The following ANKRD44 variants were observed in gnomAD, a reference collection of about 807,000 sequenced individuals.
The protein encoded by ANKRD44 is ankyrin repeat domain 44.
A neutral mutation model predicts 116.0 loss-of-function variants in ANKRD44; 35 were observed. The observed-to-expected ratio is 0.30, with a 90% CI of 0.23 to 0.40. ANKRD44 has a LOEUF of 0.40. Among genes scored for constraint, ANKRD44 ranks in the 10% least tolerant of loss-of-function variants. ANKRD44 has a pLI of 1.00. For missense variants in ANKRD44, 1,014 were observed against 1,242.6 expected, an observed-to-expected ratio of 0.82 and a Z score of 2.77; for synonymous variants, 435 against 461.8, an observed-to-expected ratio of 0.94 and a Z score of 0.74.
At chr2:196,996,005 G>A (rs1263635555) in intron 25 of ANKRD44, among the ~76,000 whole-genome samples, 1 of 152,178 alleles carries the variant, frequency 6.6e-6, no homozygotes, top group African/African-American at 2.4e-5. Flanking sequence ...AGATATCTCT[G>A]TACCTTATGA....
chr2:197,139,644 T>G (rs2950819), intron 3 of ANKRD44, among the ~76,000 whole-genome samples: 138,999 of 151,048 alleles, frequency 0.92, 64,237 homozygotes, highest in East Asian at 0.98. Context: ...TAGATATAGA[T>G]ATAGATATAT....
chr2:197,118,631 G>C (rs1263155983), intron 8 of ANKRD44, among the ~76,000 whole-genome samples: 1 of 143,606 alleles, frequency 7.0e-6, no homozygotes, highest in African/African-American at 2.7e-5. Context: ...GAGAGAGAGA[G>C]AGAGAGAGAA....
In ANKRD44 at chr2:197,163,765, C is replaced by T. The variant is rs560219636; in HGVS notation, c.112-16660G>A. 2.0e-5 allele frequency among the ~76,000 whole-genome samples: 3 copies of T among 152,248 alleles called. No homozygotes were observed. The South Asian group carries it at 6.2e-4, about 32-fold the overall frequency. On this transcript the variant is annotated intron_variant, in intron 2 of 27. Coordinates refer to ENST00000282272, the MANE Select transcript of ANKRD44 (RefSeq NM_001195144.2). ...ACCTCAGGCTCCCGAGTAGCTGGGA[C>T]TACAAGCGCACGACACCACGTCCAG...
At chr2:197,248,904 T>G (rs534029931) in intron 1 of ANKRD44, among the ~76,000 whole-genome samples, 15 of 152,138 alleles carry the variant, frequency 9.9e-5, no homozygotes, top group Non-Finnish European at 2.1e-4. Flanking sequence ...GTTTTAGCTA[T>G]GCATGAAGAA....
chr2:197,114,310 T>A (rs1430181932), intron 8 of ANKRD44, among the ~76,000 whole-genome samples: 1 of 152,222 alleles, frequency 6.6e-6, no homozygotes, highest in Non-Finnish European at 1.5e-5. Flanking sequence ...CTAGCTACAT[T>A]TTCCCATAGA....
chr2:197,047,250 C>T (rs2077019585), intron 16 of ANKRD44, among the ~76,000 whole-genome samples: 1 of 152,068 alleles, frequency 6.6e-6, no homozygotes, highest in African/African-American at 2.4e-5. Flanking sequence ...TAACTCCTGA[C>T]CTCAAGTGAT....
chr2:197,028,756 T>A (rs1477652952), intron 16 of ANKRD44: 1 of 189,472 alleles, frequency 5.3e-6, no homozygotes. Flanking sequence ...TCTTTTCTGC[T>A]GGTTTCTTTT....
At chr2:197,262,068 T>C (rs1400313323) in intron 1 of ANKRD44, among the ~76,000 whole-genome samples, 2 of 152,216 alleles carry the variant, frequency 1.3e-5, no homozygotes, top group African/African-American at 4.8e-5. Context: ...AACAGCTTAC[T>C]TCCTACCAGC....
intron 2 of ANKRD44, among the ~76,000 whole-genome samples, chr2:197,164,572 G>A (rs1159632618): frequency 1.3e-5 from 2 of 152,188 alleles, no homozygotes; most frequent in African/African-American, 2.4e-5. Flanking sequence ...GCTCGGAGCC[G>A]GGAGCATGCG....
intron 27 of ANKRD44, 161 bp from the exon 28 acceptor site, chr2:196,989,810 C>A: frequency 1.4e-6 from 2 of 1,403,800 alleles, no homozygotes; most frequent in South Asian, 1.5e-5. Flanking sequence ...ATGACCTTGA[C>A]TGAGAAGCTC....
intron 15 of ANKRD44, among the ~76,000 whole-genome samples, chr2:197,081,209 G>A (rs1270448114): frequency 6.6e-6 from 1 of 152,140 alleles, no homozygotes. Context: ...CATGTGGGCT[G>A]GGGGTGAGGG....
chr2:197,254,630 C>CACAT (rs891597885), intron 1 of ANKRD44, among the ~76,000 whole-genome samples: 2 of 107,580 alleles, frequency 1.9e-5, no homozygotes, highest in African/African-American at 5.9e-5. Context: ...CACACACACA[C>CACAT]ATATATATAT....
intron 1 of ANKRD44, among the ~76,000 whole-genome samples, chr2:197,247,911 T>C (rs1403978515): frequency 6.6e-6 from 1 of 152,164 alleles, no homozygotes; most frequent in African/African-American, 2.4e-5. Context: ...GGGAAATGGC[T>C]GGGGACAGGG....
intron 1 of ANKRD44, among the ~76,000 whole-genome samples, chr2:197,207,861 A>C (rs546892983): frequency 6.6e-6 from 1 of 152,350 alleles, no homozygotes; most frequent in East Asian, 1.9e-4. Flanking sequence ...GAGTTCTTAC[A>C]AGCCAGCCTC....
At chr2:197,117,760 C>T (rs2078747308) in intron 8 of ANKRD44, among the ~76,000 whole-genome samples, 1 of 152,218 alleles carries the variant, frequency 6.6e-6, no homozygotes, top group Non-Finnish European at 1.5e-5. Context: ...CAAAGCCTCT[C>T]CCTTCAGTCC....
intron 1 of ANKRD44, among the ~76,000 whole-genome samples, chr2:197,223,967 C>G (rs564679658): frequency 7.1e-6 from 1 of 141,318 alleles, no homozygotes; most frequent in Non-Finnish European, 1.5e-5. Context: ...AAACAAACCC[C>G]GAAAAGTAGT....
At chr2:197,247,388 G>C (rs1475218510) in intron 1 of ANKRD44, among the ~76,000 whole-genome samples, 2 of 152,186 alleles carry the variant, frequency 1.3e-5, no homozygotes, top group African/African-American at 4.8e-5. Flanking sequence ...TCCCAGTCCA[G>C]GAAACAGATT....
At chr2:196,991,021 G>T in intron 27 of ANKRD44, 1 of 1,064,604 alleles carries the variant, frequency 9.4e-7, no homozygotes, top group Non-Finnish European at 1.2e-6. Context: ...TCTCACAGGC[G>T]GAGATGTATG....
chr2:197,241,896 T>A (rs1416172916), intron 1 of ANKRD44, among the ~76,000 whole-genome samples: 1 of 152,092 alleles, frequency 6.6e-6, no homozygotes, highest in Non-Finnish European at 1.5e-5. Flanking sequence ...TCAAACATAA[T>A]AAAAATACTT....
Sources: allele counts gnomAD v4.1 joint callset (sites outside exome capture counted in the v4.1 genomes callset), GRCh38; gene constraint gnomAD v4.1.1; transcripts MANE v1.5; gene names NCBI Gene and HGNC (gene_info 2026-07-23, HGNC 2026-07-21).